Variants in DPP10 observed in about 807,000 individuals in gnomAD.
The protein encoded by DPP10 is inactive dipeptidyl peptidase 10.
Under a neutral mutation model 120.9 loss-of-function variants are expected in DPP10, and 33 were observed. That is an observed-to-expected ratio of 0.27 (90% confidence interval 0.21 to 0.37). The LOEUF (loss-of-function observed/expected upper bound fraction) is 0.37, where lower values mean the gene tolerates loss of function less well. Ranked by LOEUF, DPP10 falls within the 10% of genes least tolerant of loss-of-function variation. The pLI, the probability that DPP10 is intolerant of heterozygous loss-of-function variation, is 1.00. For missense variants in DPP10, 816 were observed against 942.8 expected (o/e 0.87, Z 1.76); for synonymous variants, 337 against 326.1 (o/e 1.03, Z -0.36).
At chr2:115,016,739 G>C (rs764599875) in intron 1 of DPP10, among the ~76,000 whole-genome samples, 10 of 151,770 alleles carry the variant, frequency 6.6e-5, no homozygotes, top group African/African-American at 9.7e-5. Context: ...GCAGCCAACA[G>C]ACACACGAAA....
At chr2:115,660,187 C>T (rs973606112) in intron 5 of DPP10, among the ~76,000 whole-genome samples, 4 of 152,114 alleles carry the variant, frequency 2.6e-5, no homozygotes, top group Non-Finnish European at 4.4e-5. Context: ...CTGTTTATTA[C>T]GTTTACAGCC....
At chr2:115,717,354 A>G (rs1224206388) in intron 7 of DPP10, among the ~76,000 whole-genome samples, 1 of 152,186 alleles carries the variant, frequency 6.6e-6, no homozygotes, top group Non-Finnish European at 1.5e-5. Flanking sequence ...CGTTGTGCAC[A>G]TGTACCCTAA....
intron 1 of DPP10, among the ~76,000 whole-genome samples, chr2:114,725,739 C>G (rs1420108067): frequency 1.3e-5 from 2 of 152,288 alleles, no homozygotes; most frequent in African/African-American, 4.8e-5. Context: ...GAAGAAGAAA[C>G]CACTTTCAGA....
intron 1 of DPP10, among the ~76,000 whole-genome samples, chr2:115,088,298 A>G (rs12987050): frequency 0.27 from 40,443 of 152,040 alleles, 5,781 homozygotes; most frequent in Middle Eastern, 0.32. Context: ...ACACACTTTG[A>G]TAGCTGTTCT....
In DPP10 at chr2:114,650,609, G is replaced by C. The variant is rs143213376; in HGVS notation, c.60+207771G>C. Among the ~76,000 whole-genome samples, 4 of 152,222 alleles carry C rather than the reference G, an allele frequency of 2.6e-5. No homozygotes were observed. In the South Asian group the frequency reaches 6.2e-4, roughly 24 times the overall value. ...CAGAGCATCCCATTAGTTTACATGAGAGAAAAGGAATTAGAAAGATAAGGA... is the reference window on the plus strand; with the variant it reads ...CAGAGCATCCCATTAGTTTACATGACAGAAAAGGAATTAGAAAGATAAGGA... On this transcript the variant is annotated intron_variant, in intron 1 of 25. Transcript: ENST00000410059.
chr2:114,611,943 T>G (rs930959816), intron 1 of DPP10, among the ~76,000 whole-genome samples: 5 of 152,174 alleles, frequency 3.3e-5, no homozygotes, highest in African/African-American at 1.2e-4. Flanking sequence ...CTTTGCTTAT[T>G]TTTCTAATTT....
intron 5 of DPP10, among the ~76,000 whole-genome samples, chr2:115,571,625 A>ATT (rs1472287890): frequency 6.6e-6 from 1 of 152,054 alleles, no homozygotes; most frequent in Non-Finnish European, 1.5e-5. Flanking sequence ...TTCTCTCTTA[A>ATT]TGACAAGGAC....
At chr2:114,907,993 C>T (rs1199524998) in intron 1 of DPP10, among the ~76,000 whole-genome samples, 3 of 151,778 alleles carry the variant, frequency 2.0e-5, no homozygotes, top group Non-Finnish European at 2.9e-5. Context: ...GATATTAGTG[C>T]ATATATGTTT....
In DPP10 at chr2:115,107,422, C is replaced by CTTTT. The variant is rs59046305; in HGVS notation, c.61-201792_61-201789dup. ...AAAAAGTTTGTGGGATTGGTTATAG[C>CTTTT]TTTTTTTTTTTTTTTTTTTTTTTTT... On this transcript the variant is annotated intron_variant, in intron 1 of 25. Coordinates refer to ENST00000410059, the MANE Select transcript of DPP10 (RefSeq NM_020868.6). 4.0e-4 allele frequency among the ~76,000 whole-genome samples: 24 copies of CTTTT among 59,868 alleles called. 4 individuals are homozygous for CTTTT. Among genetic ancestry groups the CTTTT allele is most frequent in the Non-Finnish European group, 5.8e-4 (20 of 34,250 alleles). 39.3% of individuals were successfully genotyped at this position (59,868 alleles called of 152,430 possible).
chr2:115,210,579 T>C (rs1048268947), intron 1 of DPP10, among the ~76,000 whole-genome samples: 3 of 151,870 alleles, frequency 2.0e-5, no homozygotes, highest in East Asian at 3.9e-4. Context: ...TTCTAGATCC[T>C]TGAGGAATCG....
chr2:115,241,119 A>G (rs1439043475), intron 1 of DPP10, among the ~76,000 whole-genome samples: 2 of 152,158 alleles, frequency 1.3e-5, no homozygotes, highest in Non-Finnish European at 2.9e-5. Flanking sequence ...AAATACAAAA[A>G]TTAGCTGGGC....
intron 1 of DPP10, among the ~76,000 whole-genome samples, chr2:114,605,806 T>C (rs1692738981): frequency 6.6e-6 from 1 of 152,120 alleles, no homozygotes; most frequent in Non-Finnish European, 1.5e-5. Flanking sequence ...AAGTAGCAAG[T>C]AAGGAACAGA....
chr2:114,528,420 C>G (rs1316563768), intron 1 of DPP10, among the ~76,000 whole-genome samples: 1 of 152,012 alleles, frequency 6.6e-6, no homozygotes, highest in Admixed American at 6.6e-5. Context: ...GCTGCTCCAC[C>G]CATTGTTCTA....
intron 1 of DPP10, among the ~76,000 whole-genome samples, chr2:115,142,240 C>T (rs1476956628): frequency 6.6e-6 from 1 of 152,064 alleles, no homozygotes; most frequent in Non-Finnish European, 1.5e-5. Context: ...CAGGGCTTTG[C>T]AAAAAATCAT....
At chr2:115,579,363 G>A (rs577933659) in intron 5 of DPP10, 7 of 152,206 alleles carry the variant, frequency 4.6e-5, no homozygotes, top group African/African-American at 1.7e-4. Context: ...AACCTACTTC[G>A]TGCCAAGGAC....
At chr2:115,585,437 A>T (rs1486876792) in intron 5 of DPP10, among the ~76,000 whole-genome samples, 1 of 152,232 alleles carries the variant, frequency 6.6e-6, no homozygotes, top group Non-Finnish European at 1.5e-5. Flanking sequence ...TATCAAGGTT[A>T]CTATTTGTTG....
chr2:115,325,393 G>A (rs1367056886), intron 2 of DPP10, among the ~76,000 whole-genome samples: 1 of 152,106 alleles, frequency 6.6e-6, no homozygotes, highest in Non-Finnish European at 1.5e-5. Context: ...TAAAGCTGAT[G>A]ATATTACCAA....
At chr2:115,028,495 T>G (rs1429613718) in intron 1 of DPP10, among the ~76,000 whole-genome samples, 4 of 152,094 alleles carry the variant, frequency 2.6e-5, no homozygotes, top group African/African-American at 9.7e-5. Context: ...GAGTCTTGTT[T>G]TGAGGCCTGA....
chr2:115,262,490 A>G (rs1376511502), intron 1 of DPP10, among the ~76,000 whole-genome samples: 1 of 152,106 alleles, frequency 6.6e-6, no homozygotes, highest in Non-Finnish European at 1.5e-5. Flanking sequence ...ATTCATTTTG[A>G]CTACATAGAA....
Sources: gnomAD v4.1 joint callset for allele counts (sites outside exome capture counted in the v4.1 genomes callset) on GRCh38, gnomAD v4.1.1 for gene constraint, MANE v1.5 for transcripts, NCBI Gene and HGNC (gene_info 2026-07-23, HGNC 2026-07-21) for gene names.